Variants in CTNNA3 observed in about 807,000 individuals in gnomAD.
CTNNA3 encodes catenin alpha-3.
In CTNNA3, 76 loss-of-function variants were observed where a neutral mutation model predicts 95.7. The observed-to-expected ratio is 0.79, with a 90% CI of 0.66 to 0.96. The LOEUF (loss-of-function observed/expected upper bound fraction) is 0.96, where lower values mean the gene tolerates loss of function less well. Ranked by LOEUF, CTNNA3 falls within the 40% of genes least tolerant of loss-of-function variation. The pLI is 0.00. For missense variants in CTNNA3, 1,191 were observed against 1,089.8 expected (o/e 1.09, Z -1.31); for synonymous variants, 431 against 374.4 (o/e 1.15, Z -1.74).
intron 7 of CTNNA3, among the ~76,000 whole-genome samples, chr10:67,014,451 T>C (rs950968211): frequency 6.6e-6 from 1 of 152,180 alleles, no homozygotes; most frequent in African/African-American, 2.4e-5. Context: ...TCCCAGGTGG[T>C]GCCTGTTTGT....
At chr10:66,791,439 T>C (rs1461590596) in intron 7 of CTNNA3, among the ~76,000 whole-genome samples, 1 of 152,230 alleles carries the variant, frequency 6.6e-6, no homozygotes, top group Admixed American at 6.5e-5. Context: ...TATTTTCCCA[T>C]TCTTTACCTC....
intron 9 of CTNNA3, among the ~76,000 whole-genome samples, chr10:66,763,657 G>A (rs1235595685): frequency 6.6e-6 from 1 of 152,094 alleles, no homozygotes; most frequent in African/African-American, 2.4e-5. Flanking sequence ...CTGTGTCTGG[G>A]CAGTCTCTGT....
chr10:67,059,143 AT>A (rs1456611053), intron 7 of CTNNA3, among the ~76,000 whole-genome samples: 1 of 152,158 alleles, frequency 6.6e-6, no homozygotes, highest in Non-Finnish European at 1.5e-5. Context: ...ATGCAGTCTA[AT>A]TTCAGAGTTC....
At chr10:67,203,268 G>A (rs536212999) in intron 6 of CTNNA3, among the ~76,000 whole-genome samples, 3 of 152,166 alleles carry the variant, frequency 2.0e-5, no homozygotes, top group South Asian at 4.1e-4. Flanking sequence ...TAAGTCTCAC[G>A]AGATCTGATG....
At chr10:66,978,414 C>A (rs2132863229) in intron 7 of CTNNA3, among the ~76,000 whole-genome samples, 2 of 149,174 alleles carry the variant, frequency 1.3e-5, no homozygotes, top group African/African-American at 4.9e-5. Context: ...GTAATCCCAG[C>A]TATTCAGGAG....
chr10:66,219,091 C>T (rs2088749444), intron 13 of CTNNA3, among the ~76,000 whole-genome samples: 1 of 152,138 alleles, frequency 6.6e-6, no homozygotes, highest in Non-Finnish European at 1.5e-5. Context: ...GTCTATAAAT[C>T]AAGATAAACG....
At chr10:67,082,803 C>A (rs1054967892) in intron 7 of CTNNA3, among the ~76,000 whole-genome samples, 2 of 152,126 alleles carry the variant, frequency 1.3e-5, no homozygotes, top group African/African-American at 4.8e-5. Flanking sequence ...AGATATCAGT[C>A]ATGAAACTGA....
intron 5 of CTNNA3, among the ~76,000 whole-genome samples, chr10:67,236,516 T>TGGGGGGGGG (rs1283943786): frequency 2.3e-4 from 5 of 22,166 alleles, no homozygotes; most frequent in Admixed American, 1.2e-3. Flanking sequence ...TGTTGTGGGG[T>TGGGGGGGGG]GGGGGGGGTG....
intron 5 of CTNNA3, among the ~76,000 whole-genome samples, chr10:67,306,736 T>C (rs61866889): frequency 0.016 from 2,416 of 152,278 alleles, 35 homozygotes; most frequent in Middle Eastern, 0.031. Flanking sequence ...ACCATTTTCT[T>C]GATAGCTTTG....
chr10:66,464,892 A>G (rs992632276), intron 11 of CTNNA3, among the ~76,000 whole-genome samples: 1 of 152,156 alleles, frequency 6.6e-6, no homozygotes, highest in Admixed American at 6.6e-5. Flanking sequence ...ATTAAAAAAA[A>G]ATAAGATCTC....
chr10:66,662,087 G>A (rs1846284175), intron 9 of CTNNA3, among the ~76,000 whole-genome samples: 1 of 152,102 alleles, frequency 6.6e-6, no homozygotes, highest in South Asian at 2.1e-4. Flanking sequence ...TTAGAAACTA[G>A]AAAACATATG....
chr10:67,636,942 T>C (rs940038962), intron 2 of CTNNA3, among the ~76,000 whole-genome samples: 6 of 152,176 alleles, frequency 3.9e-5, no homozygotes, highest in Non-Finnish European at 8.8e-5. Context: ...CTGAAAATTC[T>C]AAAAATCAGA....
At chr10:67,469,524 C>A (rs976968246) in intron 5 of CTNNA3, among the ~76,000 whole-genome samples, 11 of 151,544 alleles carry the variant, frequency 7.3e-5, no homozygotes, top group Admixed American at 3.3e-4. Flanking sequence ...AAACCAAACA[C>A]CGCATGTTCT....
intron 1 of CTNNA3, among the ~76,000 whole-genome samples, chr10:67,678,567 A>G (rs1339684120): frequency 1.3e-5 from 2 of 152,222 alleles, no homozygotes; most frequent in Admixed American, 6.5e-5. Flanking sequence ...AAAATTGAAC[A>G]TATCACCTTA....
chr10:66,902,857 A>G (rs1018802622), intron 7 of CTNNA3, among the ~76,000 whole-genome samples: 3 of 152,140 alleles, frequency 2.0e-5, no homozygotes, highest in African/African-American at 7.2e-5. Context: ...ATAGACCAAT[A>G]AGAGGTTCTG....
intron 7 of CTNNA3, among the ~76,000 whole-genome samples, chr10:66,832,249 C>G (rs879343543): frequency 1.3e-5 from 2 of 152,108 alleles, no homozygotes; most frequent in Admixed American, 1.3e-4. Flanking sequence ...GTCTGAGACC[C>G]TGTATATATC....
Position 66,766,294 on chromosome 10 carries a change from T to C in CTNNA3, c.1251A>G (p.Ile417Met), listed in dbSNP as rs1000274422. ...CAAGCCTGCTGGTGTGTTCATGAAATATCGCAGCATATTCTTTTATTTCCT... is the reference window on the plus strand; with the variant it reads ...CAAGCCTGCTGGTGTGTTCATGAAACATCGCAGCATATTCTTTTATTTCCT... ...REKEIKEYAA[I>M]FHEHTSRLVE... The change falls in exon 9 of 18, where the codon ATA becomes ATG. Residue 417 changes from isoleucine to methionine, a missense_variant. Transcript: ENST00000433211. 3 of 1,613,918 alleles carry C rather than the reference T, an allele frequency of 1.9e-6. No homozygotes were observed. Among genetic ancestry groups the C allele is most frequent in the Non-Finnish European group, 2.5e-6 (3 of 1,179,882 alleles).
In CTNNA3 at chr10:66,063,860, T is replaced by C. The variant is rs77434669; in HGVS notation, c.2159+5448A>G. 6.5e-4 allele frequency among the ~76,000 whole-genome samples: 99 copies of C among 152,132 alleles called. 1 individual carries two copies. The highest frequency in any genetic ancestry group is 2.2e-3 in the African/African-American group (91 of 41,438). ...ATATAATTTTCTATGTAGCAAAGTA[T>C]GTTAATACTTTAAACTTCTTCCTGA... On this transcript the variant is annotated intron_variant, in intron 15 of 17. Transcript: ENST00000433211.
chr10:67,734,613 T>C (rs1435667937), intron 1 of CTNNA3, among the ~76,000 whole-genome samples: 1 of 152,158 alleles, frequency 6.6e-6, no homozygotes, highest in Non-Finnish European at 1.5e-5. Flanking sequence ...AGTGTAGACA[T>C]AAGGAAGTCA....
Sources: gnomAD v4.1 joint callset for allele counts (sites outside exome capture counted in the v4.1 genomes callset) on GRCh38, gnomAD v4.1.1 for gene constraint, MANE v1.5 for transcripts, NCBI Gene and HGNC (gene_info 2026-07-23, HGNC 2026-07-21) for gene names.